COL24A1: variants seen among roughly 807,000 people sequenced by gnomAD.
The protein encoded by COL24A1 is collagen type XXIV alpha 1 chain.
In COL24A1, 224 loss-of-function variants were observed where a neutral mutation model predicts 253.9. The ratio of observed to expected loss-of-function variants is 0.88; its 90% CI spans 0.79 to 0.99. The LOEUF (loss-of-function observed/expected upper bound fraction) is 0.99. COL24A1 is among the 50% of genes least tolerant of loss of function. The pLI is 0.00. For synonymous variants in COL24A1, 685 were observed against 673.7 expected, an observed-to-expected ratio of 1.02 and a Z score of -0.26; for missense variants, 2,131 against 2,068.5, an observed-to-expected ratio of 1.03 and a Z score of -0.59.
intron 21 of COL24A1, 34 bp downstream of exon 21, chr1:85,971,306 T>C: frequency 1.9e-6 from 3 of 1,593,752 alleles, no homozygotes; most frequent in South Asian, 2.3e-5. Context: ...CTAAAAACCT[T>C]GCTGAAGCTG....
intron 57 of COL24A1, among the ~76,000 whole-genome samples, chr1:85,742,665 A>G (rs1174961207): frequency 2.0e-5 from 3 of 152,048 alleles, no homozygotes; most frequent in Admixed American, 6.6e-5. Flanking sequence ...CCAAAATTGC[A>G]TCTCCTGTTA....
At chr1:86,029,151 A>C (rs1350864889) in intron 14 of COL24A1, among the ~76,000 whole-genome samples, 1 of 18,756 alleles carries the variant, frequency 5.3e-5, no homozygotes, top group Non-Finnish European at 9.6e-5. Flanking sequence ...AGTTCTCAGG[A>C]AAAAAAAAAA....
intron 28 of COL24A1, among the ~76,000 whole-genome samples, chr1:85,906,255 C>G (rs1257875651): frequency 7.0e-5 from 1 of 14,332 alleles, no homozygotes; most frequent in Non-Finnish European, 1.6e-4. Flanking sequence ...AACTGGAAAA[C>G]TGCAAGGTCT....
intron 24 of COL24A1, among the ~76,000 whole-genome samples, chr1:85,960,276 T>G (rs1460034636): frequency 6.6e-6 from 1 of 152,198 alleles, no homozygotes; most frequent in East Asian, 1.9e-4. Flanking sequence ...TAGCACACTC[T>G]GTAAACGAAT....
chr1:86,052,014 A>G (rs1339563275), intron 10 of COL24A1, among the ~76,000 whole-genome samples: 1 of 152,136 alleles, frequency 6.6e-6, no homozygotes, highest in African/African-American at 2.4e-5. Flanking sequence ...TTAAAGACAG[A>G]CTAAAGCTTT....
intron 43 of COL24A1, among the ~76,000 whole-genome samples, chr1:85,829,640 C>G (rs1423672370): frequency 1.3e-5 from 2 of 152,010 alleles, no homozygotes; most frequent in Admixed American, 6.6e-5. Context: ...TCTTTTCTCT[C>G]TAAACTTCCC....
chr1:85,913,045 G>C (rs1685527610), intron 24 of COL24A1, among the ~76,000 whole-genome samples: 1 of 152,066 alleles, frequency 6.6e-6, no homozygotes, highest in African/African-American at 2.4e-5. Context: ...ATGTCTATTG[G>C]ACAGCCCTGA....
intron 47 of COL24A1, among the ~76,000 whole-genome samples, chr1:85,805,124 G>A (rs1376733608): frequency 6.6e-6 from 1 of 152,180 alleles, no homozygotes. Context: ...TTACAGGCAT[G>A]AGCCACTGCA....
rs139841210 is a variant in COL24A1 at position 85,935,041 on chromosome 1, C to A, written c.2563-23608G>T. On this transcript the variant is annotated intron_variant, in intron 24 of 59. Transcript: ENST00000370571. ...ATAATTGAAAACATTTCACTTTTGG[C>A]AAAATAGTATATTTTGCAAAATGGT... Among the ~76,000 whole-genome samples, 377 of 151,758 alleles carry A rather than the reference C, an allele frequency of 2.5e-3. 2 individuals carry two copies. Among genetic ancestry groups the A allele is most frequent in the South Asian group, 4.6e-3 (22 of 4,802 alleles).
intron 4 of COL24A1, among the ~76,000 whole-genome samples, chr1:86,114,621 T>C (rs1705944937): frequency 6.6e-6 from 1 of 152,190 alleles, no homozygotes. Context: ...GGACAAGAGT[T>C]TGATGTGACT....
At chr1:85,923,738 C>T (rs1393701115) in intron 24 of COL24A1, among the ~76,000 whole-genome samples, 1 of 152,114 alleles carries the variant, frequency 6.6e-6, no homozygotes, top group Non-Finnish European at 1.5e-5. Context: ...AAAATTAACA[C>T]CCTAACATAA....
chr1:86,090,605 T>G (rs1703423576), intron 6 of COL24A1, among the ~76,000 whole-genome samples: 1 of 152,212 alleles, frequency 6.6e-6, no homozygotes, highest in Non-Finnish European at 1.5e-5. Context: ...GTTTATATTT[T>G]ATTTGTATTC....
At chr1:85,991,784 A>C (rs1224179090) in intron 19 of COL24A1, among the ~76,000 whole-genome samples, 2 of 152,198 alleles carry the variant, frequency 1.3e-5, no homozygotes, top group Non-Finnish European at 2.9e-5. Flanking sequence ...CTGATCTCAT[A>C]GTATAGTCAT....
chr1:86,120,206 C>A (rs1422224464), intron 3 of COL24A1, among the ~76,000 whole-genome samples: 1 of 152,146 alleles, frequency 6.6e-6, no homozygotes, highest in Non-Finnish European at 1.5e-5. Flanking sequence ...AAAACTTAGG[C>A]AATACCATTC....
intron 55 of COL24A1, among the ~76,000 whole-genome samples, chr1:85,759,956 G>C (rs1194425499): frequency 6.6e-6 from 1 of 152,180 alleles, no homozygotes; most frequent in Non-Finnish European, 1.5e-5. Context: ...AATTTGGGAA[G>C]GCAATTAATG....
At chr1:85,889,379 C>T (rs1421227154) in intron 32 of COL24A1, among the ~76,000 whole-genome samples, 181 bp downstream of exon 32, 1 of 152,068 alleles carries the variant, frequency 6.6e-6, no homozygotes, top group Non-Finnish European at 1.5e-5. Context: ...CCATATTTGA[C>T]TATATGCAAC....
At chr1:85,869,949 A>C (rs952847332) in intron 35 of COL24A1, among the ~76,000 whole-genome samples, 6 of 152,176 alleles carry the variant, frequency 3.9e-5, no homozygotes, top group African/African-American at 1.4e-4. Context: ...TATTCAGGAA[A>C]CCCATCTCAT....
chr1:86,096,063 A>G (rs544523287), intron 5 of COL24A1, among the ~76,000 whole-genome samples: 24 of 152,244 alleles, frequency 1.6e-4, no homozygotes, highest in Non-Finnish European at 7.4e-5. Flanking sequence ...TAAACTCTCA[A>G]TTTGAGATTT....
chr1:86,049,712 T>C (rs1700165998), intron 11 of COL24A1, among the ~76,000 whole-genome samples: 1 of 152,094 alleles, frequency 6.6e-6, no homozygotes, highest in Admixed American at 6.5e-5. Flanking sequence ...AACAGCTATC[T>C]CCCATTATTA....
Sources: allele counts gnomAD v4.1 joint callset (sites outside exome capture counted in the v4.1 genomes callset), GRCh38; gene constraint gnomAD v4.1.1; transcripts MANE v1.5; gene names NCBI Gene and HGNC (gene_info 2026-07-23, HGNC 2026-07-21).